The following CDH8 variants were observed in gnomAD, a reference collection of about 807,000 sequenced individuals.
CDH8 encodes the protein cadherin-8.
Under a neutral mutation model 68.1 loss-of-function variants are expected in CDH8, and 17 were observed. The observed-to-expected ratio is 0.25, with a 90% confidence interval of 0.17 to 0.37. The LOEUF (loss-of-function observed/expected upper bound fraction) is 0.37, where lower values mean the gene tolerates loss of function less well. CDH8 is among the 10% of genes least tolerant of loss of function. The pLI, the probability that CDH8 is intolerant of heterozygous loss-of-function variation, is 1.00. For synonymous variants in CDH8, 372 were observed against 365.1 expected (o/e 1.02, Z -0.21); for missense variants, 763 against 999.3 (o/e 0.76, Z 3.19).
At position 61,959,973 on chromosome 16, in the gene CDH8, TG is replaced by T. The variant is rs1183426144; in HGVS notation, c.253-58501del. ...AATCTTTCTCTGTATGTGGTGTATG[TG>T]TGTGTGTGTGTATATATATATATAT... On this transcript the variant is annotated intron_variant, in intron 2 of 11. Coordinates refer to ENST00000577390, the MANE Select transcript of CDH8 (RefSeq NM_001796.5). 4.7e-5 allele frequency among the ~76,000 whole-genome samples: 3 copies of T among 63,244 alleles called. 1 individual carries two copies. The highest frequency in any genetic ancestry group is 2.5e-4 in the African/African-American group (3 of 11,890). The allele number at this position is 63,244 out of a possible 152,430, so 41.5% of individuals were successfully genotyped here.
At chr16:62,022,113 T>C (rs1158688875) in intron 1 of CDH8, among the ~76,000 whole-genome samples, 1 of 152,060 alleles carries the variant, frequency 6.6e-6, no homozygotes, top group African/African-American at 2.4e-5. Context: ...CTAAACTCCA[T>C]GAAATAACTA....
chr16:61,817,566 A>T lies in CDH8; in HGVS notation c.1190T>A (p.Leu397Gln), dbSNP rs1962108237. The change falls in exon 7 of 12, where the codon CTA becomes CAA. Residue 397 changes from leucine (L) to glutamine (Q), a missense_variant. This residue lies in a region of CDH8 where 366 missense variants were observed against 563.1 expected (regional missense o/e 0.65). Coordinates refer to ENST00000577390, the MANE Select transcript of CDH8 (RefSeq NM_001796.5). ...AGCAGCATTTTCATGAACTTCAAGT[A>T]GGTAAGTCGGTGAAGAGAAGACCGG... ...EPPVFSSPTY[L>Q]LEVHENAALN... 1.2e-6 allele frequency: 2 copies of T among 1,613,944 alleles called. No individual in the cohort carries two copies. The highest frequency in any genetic ancestry group is 2.7e-5 in the African/African-American group (2 of 75,026).
At chr16:61,913,920 T>A (rs1964198553) in intron 2 of CDH8, among the ~76,000 whole-genome samples, 1 of 152,202 alleles carries the variant, frequency 6.6e-6, no homozygotes, top group Non-Finnish European at 1.5e-5. Flanking sequence ...TCAAAATCCA[T>A]ATGTTGAAGC....
At chr16:61,727,037 A>C (rs1959393902) in intron 9 of CDH8, 57 bp downstream of exon 9, 2 of 1,580,920 alleles carry the variant, frequency 1.3e-6, no homozygotes, top group Non-Finnish European at 1.7e-6. Context: ...CAGGTTAGTC[A>C]AATATGAGAC....
chr16:61,773,473 G>A (rs1960830139), intron 8 of CDH8, among the ~76,000 whole-genome samples: 1 of 152,086 alleles, frequency 6.6e-6, no homozygotes, highest in African/African-American at 2.4e-5. Context: ...ACTGGTATTT[G>A]TGTATTGTTT....
intron 2 of CDH8, among the ~76,000 whole-genome samples, chr16:61,975,979 G>A (rs1324598500): frequency 6.6e-6 from 1 of 152,132 alleles, no homozygotes; most frequent in Non-Finnish European, 1.5e-5. Context: ...TGAAATGTGA[G>A]TTTTAAAAGC....
chr16:61,797,136 A>G (rs1234346279), intron 7 of CDH8, among the ~76,000 whole-genome samples: 3 of 151,926 alleles, frequency 2.0e-5, no homozygotes, highest in Non-Finnish European at 4.4e-5. Context: ...GCTAACATAT[A>G]TTTATTTAAA....
intron 4 of CDH8, among the ~76,000 whole-genome samples, chr16:61,834,997 T>C (rs1962537953): frequency 6.6e-6 from 1 of 151,898 alleles, no homozygotes; most frequent in African/African-American, 2.4e-5. Flanking sequence ...AAAAAGAATG[T>C]AGAAAATAAT....
chr16:62,010,975 C>T (rs926128893), intron 2 of CDH8, among the ~76,000 whole-genome samples: 2 of 151,650 alleles, frequency 1.3e-5, no homozygotes, highest in Admixed American at 6.6e-5. Flanking sequence ...TTTTTCTCCC[C>T]CATTTTCATG....
intron 10 of CDH8, among the ~76,000 whole-genome samples, chr16:61,659,463 C>T (rs1963513188): frequency 6.6e-6 from 1 of 152,118 alleles, no homozygotes; most frequent in South Asian, 2.1e-4. Flanking sequence ...CAGACATTCT[C>T]ATTCTGTTCC....
intron 2 of CDH8, among the ~76,000 whole-genome samples, chr16:61,944,357 A>G (rs1316261283): frequency 1.9e-4 from 29 of 152,208 alleles, no homozygotes; most frequent in Non-Finnish European, 2.9e-5. Flanking sequence ...CTTTGAATTC[A>G]GATACGTTTA....
intron 10 of CDH8, chr16:61,691,864 C>T (rs1964230342): frequency 6.6e-6 from 1 of 152,060 alleles, no homozygotes; most frequent in Non-Finnish European, 1.5e-5. Context: ...CCACTGTGAT[C>T]AACTTATTAG....
intron 2 of CDH8, among the ~76,000 whole-genome samples, chr16:62,012,583 T>C (rs1901839421): frequency 6.6e-6 from 1 of 152,194 alleles, no homozygotes; most frequent in Non-Finnish European, 1.5e-5. Flanking sequence ...GTTAAGATAA[T>C]TGAAAAATAT....
chr16:61,647,948 A>G lies in CDH8; in HGVS notation c.*5660T>C, dbSNP rs1218430971. 4 of 666,886 alleles carry G rather than the reference A, an allele frequency of 6.0e-6. No individual in the cohort carries two copies. Among genetic ancestry groups the G allele is most frequent in the African/African-American group, 1.8e-5 (1 of 55,284 alleles). 41.3% of individuals were successfully genotyped at this position (666,886 alleles called of 1,614,324 possible). A position where few individuals can be genotyped will look rare whatever the true frequency, so the allele number is the denominator to read the frequency against. On this transcript the variant is annotated 3_prime_UTR_variant, in exon 12 of 12. Coordinates refer to ENST00000577390, the MANE Select transcript of CDH8 (RefSeq NM_001796.5). ...AGTAGGGATACTTGCAAGAAATAAT[A>G]CTTGCATTCAAGATGTGAATTAGAT...
rs1369833621 is a variant in CDH8 at position 61,701,879 on chromosome 16, C to A, written c.1654+11962G>T. 2.6e-5 allele frequency among the ~76,000 whole-genome samples: 4 copies of A among 152,228 alleles called. No individual in the cohort carries two copies. In the South Asian group the frequency reaches 8.3e-4, roughly 32 times the overall value. The stretch of plus-strand genomic sequence containing the variant: ...TATTCTAGATATTTCAATGTTTTAA[C>A]TAATTGACAGTCCTTCAAGACTTTG... On this transcript the variant is annotated intron_variant, in intron 10 of 11. Transcript: ENST00000577390.
At chr16:61,655,762 A>G (rs756217884) in intron 10 of CDH8, 41 bp from the exon 11 acceptor site, 1 of 1,573,378 alleles carries the variant, frequency 6.4e-7, no homozygotes, top group Non-Finnish European at 8.7e-7. Flanking sequence ...ATCATTTCAA[A>G]ATGACTCTCC....
intron 8 of CDH8, among the ~76,000 whole-genome samples, chr16:61,737,083 A>G (rs542139854): frequency 2.5e-4 from 38 of 152,246 alleles, no homozygotes; most frequent in Admixed American, 8.5e-4. Flanking sequence ...CCTCTCTGTC[A>G]CATACCCTCA....
intron 8 of CDH8, among the ~76,000 whole-genome samples, chr16:61,779,678 A>G (rs1960997200): frequency 6.6e-6 from 1 of 152,146 alleles, no homozygotes; most frequent in Admixed American, 6.6e-5. Flanking sequence ...TATGTTCTTC[A>G]GTTTCCTAAT....
intron 2 of CDH8, among the ~76,000 whole-genome samples, chr16:61,960,281 A>G (rs1411895285): frequency 9.9e-6 from 1 of 101,042 alleles, no homozygotes; most frequent in African/African-American, 6.5e-5. Flanking sequence ...GTGTGTGTAT[A>G]CACACATATA....
Sources: allele counts gnomAD v4.1 joint callset (sites outside exome capture counted in the v4.1 genomes callset), GRCh38; gene constraint gnomAD v4.1.1; regional missense constraint gnomAD v4.1.1; transcripts MANE v1.5; gene names NCBI Gene and HGNC (gene_info 2026-07-23, HGNC 2026-07-21).